Variants in KLF16 observed in about 807,000 individuals in gnomAD.
KLF16 encodes KLF transcription factor 16, also known as Krueppel-like factor 16.
KLF16 carries 6 observed loss-of-function variants against 6.1 expected under a neutral mutation model. The ratio of observed to expected loss-of-function variants is 0.98; its 90% CI spans 0.54 to 1.93. The LOEUF (loss-of-function observed/expected upper bound fraction) is 1.93. KLF16 is among the 30% of genes most tolerant of loss of function. KLF16 has a pLI of 0.01. For synonymous variants in KLF16, 211 were observed against 176.5 expected, an observed-to-expected ratio of 1.20 and a Z score of -1.55; for missense variants, 355 against 363.8, an observed-to-expected ratio of 0.98 and a Z score of 0.20.
chr19:1,855,627 G>A (rs1223293073), intron 1 of KLF16, among the ~76,000 whole-genome samples: 2 of 152,250 alleles, frequency 1.3e-5, no homozygotes, highest in Non-Finnish European at 2.9e-5. Context: ...TCCAGGCGGT[G>A]TGGGTCTTTG....
chr19:1,862,967 A>T, intron 1 of KLF16, 74 bp downstream of exon 1: 2 of 880,962 alleles, frequency 2.3e-6, no homozygotes, highest in Non-Finnish European at 2.9e-6. Context: ...CGCGCCACGC[A>T]GTTTCGGGGT....
At chr19:1,866,775 CAA>C (rs10672007), upstream of KLF16, among the ~76,000 whole-genome samples, 20 of 86,808 alleles carry the variant, frequency 2.3e-4, no homozygotes, top group East Asian at 1.4e-3. Flanking sequence ...GACCCTGTCT[CAA>C]AAAAAAAAAA....
upstream of KLF16, among the ~76,000 whole-genome samples, chr19:1,864,342 G>C (rs1371625103): frequency 6.6e-6 from 1 of 152,174 alleles, no homozygotes; most frequent in Non-Finnish European, 1.5e-5. Flanking sequence ...GCATCTGCTC[G>C]TCCTCTTCTC....
At chr19:1,863,979 C>G (rs1022660284), upstream of KLF16, among the ~76,000 whole-genome samples, 6 of 146,226 alleles carry the variant, frequency 4.1e-5, no homozygotes, top group African/African-American at 1.2e-4. Flanking sequence ...GAGCACCACC[C>G]CCTCAAGCCG....
chr19:1,866,808 C>G (rs1327379109), upstream of KLF16, among the ~76,000 whole-genome samples: 1 of 150,846 alleles, frequency 6.6e-6, no homozygotes, highest in Non-Finnish European at 1.5e-5. Context: ...GTTGTCATTC[C>G]CATTCTACAG....
At chr19:1,870,366 A>G in the KLF16 span, among the ~76,000 whole-genome samples, 4 of 152,012 alleles carry the variant, frequency 2.6e-5, no homozygotes, top group South Asian at 2.1e-4. Flanking sequence ...ACTCCTAGAA[A>G]GGCACCCAGG....
At chr19:1,864,714 T>G (rs1172821170), upstream of KLF16, among the ~76,000 whole-genome samples, 1 of 151,028 alleles carries the variant, frequency 6.6e-6, no homozygotes, top group Non-Finnish European at 1.5e-5. Context: ...GGCCAGGTAT[T>G]CGGGCCTCCC....
chr19:1,854,391 C>T lies in KLF16; in HGVS notation c.*68G>A. ...ACGGCTGGAAGGGGCCCAGGCTCCC[C>T]GTGGGTCCTCACTACACCCCTGGAT... On this transcript the variant is annotated 3_prime_UTR_variant, in exon 2 of 2. Coordinates refer to ENST00000250916, the MANE Select transcript of KLF16 (RefSeq NM_031918.4). The T allele has an allele frequency of 2.2e-6, 3 of 1,363,982 alleles. No individual in the cohort carries two copies. Among genetic ancestry groups the T allele is most frequent in the African/African-American group, 1.5e-5 (1 of 64,924 alleles). The allele number at this position is 1,363,982 out of a possible 1,614,324, so 84.5% of individuals were successfully genotyped here.
rs558966700 is a variant in KLF16 at position 1,857,353 on chromosome 19, C to A, written c.458-2593G>T. Among the ~76,000 whole-genome samples, 1 of 152,340 alleles carries A rather than the reference C, an allele frequency of 6.6e-6. No individual in the cohort carries two copies. The highest frequency in any genetic ancestry group is 1.9e-4 in the East Asian group (1 of 5,182). Reference sequence around the variant, plus strand: ...AGCCGGGCCCCCAGGTGCACAGCCACCCAGCTGCTCCGCGCTACCTGGCCG... The same window carrying A: ...AGCCGGGCCCCCAGGTGCACAGCCAACCAGCTGCTCCGCGCTACCTGGCCG... On this transcript the variant is annotated intron_variant, in intron 1 of 1. Coordinates refer to ENST00000250916, the MANE Select transcript of KLF16 (RefSeq NM_031918.4). This position sits in a 1 kb window ranked among gnomAD's most constrained non-coding sequence, Gnocchi z 4.7.
chr19:1,863,674 C>A, upstream of KLF16: 1 of 154,312 alleles, frequency 6.5e-6, no homozygotes, highest in South Asian at 1.9e-4. Flanking sequence ...CGTCCTGACG[C>A]ACCGGAGCCC....
intron 1 of KLF16, among the ~76,000 whole-genome samples, chr19:1,855,521 C>G (rs970169968): frequency 3.3e-5 from 5 of 152,186 alleles, no homozygotes; most frequent in Admixed American, 2.6e-4. Flanking sequence ...GGCCACCACC[C>G]GGCCACTTCC....
At chr19:1,861,497 AGATACAC>A (rs1326017998) in intron 1 of KLF16, 2 of 152,146 alleles carry the variant, frequency 1.3e-5, no homozygotes, top group Non-Finnish European at 2.9e-5. Context: ...CTCCCCGCGG[AGATACAC>A]GGACCCCATT....
rs148015238 is a variant in KLF16, at chr19:1,858,808, T to C, written c.458-4048A>G. ...GGGACAACCCCCTCAAGGACCCTGGTGCCTGTGTAACCTCTGTTCCAGAAA... is the reference window on the plus strand; with the variant it reads ...GGGACAACCCCCTCAAGGACCCTGGCGCCTGTGTAACCTCTGTTCCAGAAA... On this transcript the variant is annotated intron_variant, in intron 1 of 1. Transcript: ENST00000250916. 1.9e-4 allele frequency among the ~76,000 whole-genome samples: 29 copies of C among 152,188 alleles called. 1 individual carries two copies. In the East Asian group the frequency reaches 5.6e-3, roughly 29 times the overall value.
the KLF16 span, chr19:1,874,751 A>C: frequency 6.7e-5 from 6 of 89,120 alleles, no homozygotes; most frequent in African/African-American, 4.8e-4. Context: ...AGTCCCAAAA[A>C]AAAAAAAAAA....
chr19:1,870,313 G>C, the KLF16 span, among the ~76,000 whole-genome samples: 2 of 152,116 alleles, frequency 1.3e-5, no homozygotes, highest in Non-Finnish European at 2.9e-5. Flanking sequence ...CAGCACGGCA[G>C]CAGCTCACAT....
chr19:1,862,585 C>A (rs2012088412), intron 1 of KLF16, among the ~76,000 whole-genome samples: 1 of 152,116 alleles, frequency 6.6e-6, no homozygotes, highest in African/African-American at 2.4e-5. Flanking sequence ...CGCGGCCACC[C>A]CGGCGGCGGC....
Position 1,859,083 on chromosome 19 carries a change from C to T in KLF16, c.457+3958G>A, listed in dbSNP as rs929306376. Among the ~76,000 whole-genome samples the T allele has an allele frequency of 7.9e-5, 12 of 152,012 alleles. No homozygotes were observed. The South Asian group carries it at 8.3e-4, about 10-fold the overall frequency. ...AGGGCAGTCCCTGGCCCCCTACCCC[C>T]CACCCCCTATGGCCTGGCACTGCCC... On this transcript the variant is annotated intron_variant, in intron 1 of 1. Coordinates refer to ENST00000250916, the MANE Select transcript of KLF16 (RefSeq NM_031918.4).
chr19:1,865,574 G>T (rs1328588999), upstream of KLF16, among the ~76,000 whole-genome samples: 1 of 152,242 alleles, frequency 6.6e-6, no homozygotes, highest in Non-Finnish European at 1.5e-5. Context: ...GCAGCCTCCA[G>T]GGGTGGGCCA....
chr19:1,855,726 G>A (rs1214166230), intron 1 of KLF16, among the ~76,000 whole-genome samples: 2 of 152,234 alleles, frequency 1.3e-5, no homozygotes, highest in East Asian at 3.8e-4. Context: ...CTCCCCAGCA[G>A]ATAGGGGTCT....
Sources: gnomAD v4.1 joint callset for allele counts (sites outside exome capture counted in the v4.1 genomes callset) on GRCh38, gnomAD v4.1.1 for gene constraint, Gnocchi (gnomAD v3.1) non-coding constraint, MANE v1.5 for transcripts, NCBI Gene and HGNC (gene_info 2026-07-23, HGNC 2026-07-21) for gene names.